The following KCNH5 variants were observed in gnomAD, a reference collection of about 807,000 sequenced individuals.
KCNH5 encodes potassium voltage-gated channel subfamily H member 5, also known as voltage-gated delayed rectifier potassium channel KCNH5.
Under a neutral mutation model 96.1 loss-of-function variants are expected in KCNH5, and 46 were observed. That is an observed-to-expected ratio of 0.48 (90% CI 0.38 to 0.61). The LOEUF (loss-of-function observed/expected upper bound fraction) is 0.61. Ranked by LOEUF, KCNH5 falls within the 20% of genes least tolerant of loss-of-function variation. The probability of loss-of-function intolerance (pLI) is 0.00; values close to 1 mark genes in which losing one functional copy is unlikely to be tolerated. For missense variants in KCNH5, 907 were observed against 1,225.8 expected (o/e 0.74, Z 3.88); for synonymous variants, 439 against 449.8 (o/e 0.98, Z 0.30).
chr14:62,788,167 G>T (rs1477657382), intron 9 of KCNH5, among the ~76,000 whole-genome samples: 2 of 152,166 alleles, frequency 1.3e-5, no homozygotes, highest in Non-Finnish European at 2.9e-5. Context: ...TGTGAGATGT[G>T]AGAAAGCCAA....
In KCNH5 at chr14:62,749,718, C is replaced by A. The variant is rs965686169; in HGVS notation, c.2019+30010G>T. 2.6e-5 allele frequency among the ~76,000 whole-genome samples: 4 copies of A among 152,160 alleles called. No individual in the cohort carries two copies. In the East Asian group the frequency reaches 7.7e-4, roughly 29 times the overall value. On this transcript the variant is annotated intron_variant, in intron 10 of 10. Transcript: ENST00000322893. Reference sequence around the variant, plus strand: ...GATTTCCCTTAGGGGCCACTCGAACCCTTAATAAGGCTACAGGTAATAAAG... The same window carrying A: ...GATTTCCCTTAGGGGCCACTCGAACACTTAATAAGGCTACAGGTAATAAAG...
chr14:62,752,155 A>G (rs1016867885), intron 10 of KCNH5, among the ~76,000 whole-genome samples: 4 of 151,990 alleles, frequency 2.6e-5, no homozygotes, highest in Non-Finnish European at 2.9e-5. Flanking sequence ...GAACTGCAAT[A>G]CCTCTTGCCT....
At position 62,726,077 on chromosome 14, in the gene KCNH5, G is replaced by A. The variant is rs138252635; in HGVS notation, c.2020-17622C>T. On this transcript the variant is annotated intron_variant, in intron 10 of 10. Coordinates refer to ENST00000322893, the MANE Select transcript of KCNH5 (RefSeq NM_139318.5). Reference sequence around the variant, plus strand: ...CAATGATCATTTAAATATAAGTACCGGATAAATGGAACATCCATGTCAAAA... The same window carrying A: ...CAATGATCATTTAAATATAAGTACCAGATAAATGGAACATCCATGTCAAAA... Among the ~76,000 whole-genome samples the A allele has an allele frequency of 3.7e-3, 568 of 152,116 alleles. 2 individuals carry two copies. Among genetic ancestry groups the A allele is most frequent in the African/African-American group, 0.013 (542 of 41,500 alleles).
chr14:62,776,104 T>C (rs1260915567), intron 10 of KCNH5, among the ~76,000 whole-genome samples: 1 of 152,044 alleles, frequency 6.6e-6, no homozygotes, highest in Non-Finnish European at 1.5e-5. Context: ...CTGTCTCTAC[T>C]GAAAATACAA....
intron 7 of KCNH5, among the ~76,000 whole-genome samples, chr14:62,886,748 AG>A (rs1888606007): frequency 6.6e-6 from 1 of 152,172 alleles, no homozygotes; most frequent in African/African-American, 2.4e-5. Context: ...TTCCTTTCAA[AG>A]ACTTGGCTAT....
chr14:63,023,524 T>C (rs954980688), intron 1 of KCNH5, among the ~76,000 whole-genome samples: 1 of 152,212 alleles, frequency 6.6e-6, no homozygotes, highest in African/African-American at 2.4e-5. Flanking sequence ...CTAGTCTGCA[T>C]ACAGGAATTT....
chr14:62,709,102 G>A (rs1300588470), intron 10 of KCNH5, among the ~76,000 whole-genome samples: 3 of 150,992 alleles, frequency 2.0e-5, no homozygotes, highest in East Asian at 1.9e-4. Context: ...GCGCAGTGGC[G>A]GGCGCCTGTA....
chr14:62,860,695 T>C (rs1256465444), intron 7 of KCNH5, among the ~76,000 whole-genome samples: 1 of 152,186 alleles, frequency 6.6e-6, no homozygotes, highest in Non-Finnish European at 1.5e-5. Context: ...ACCATCACTC[T>C]AAGCCCCCTT....
chr14:63,035,902 C>G (rs1007774683), intron 1 of KCNH5, among the ~76,000 whole-genome samples: 1 of 152,172 alleles, frequency 6.6e-6, no homozygotes, highest in African/African-American at 2.4e-5. Context: ...GGTAGGTGTC[C>G]TAATTCTGGA....
rs899807272 is a variant in KCNH5, at chr14:62,708,251, G to T, written c.2224C>A (p.Gln742Lys). 10 of 1,614,202 alleles carry T rather than the reference G, an allele frequency of 6.2e-6. No homozygotes were observed. The highest frequency in any genetic ancestry group is 8.5e-6 in the Non-Finnish European group (10 of 1,180,046). The change falls in exon 11 of 11, where the codon CAG (glutamine) becomes AAG (lysine). Residue 742 changes from glutamine (Q) to lysine (K), a missense_variant. Around this residue, in one of 6 missense-constraint regions of KCNH5, gnomAD observed 362 missense variants for 394.4 expected, o/e 0.92. Transcript: ENST00000322893. Reference sequence around the variant, plus strand: ...GTTCCGGTGATGGAGGCTCCATTCTGTAAGGAGCGGCTCTCTACCTGGAGT... The same window carrying T: ...GTTCCGGTGATGGAGGCTCCATTCTTTAAGGAGCGGCTCTCTACCTGGAGT... ...NQLQVESRSL[Q>K]NGASITGTSV...
At chr14:62,882,851 C>A (rs1888521542) in intron 7 of KCNH5, among the ~76,000 whole-genome samples, 1 of 152,172 alleles carries the variant, frequency 6.6e-6, no homozygotes, top group South Asian at 2.1e-4. Context: ...GGTCATCTGA[C>A]TTAGCATTCA....
At chr14:62,841,564 C>T (rs1035885850) in intron 8 of KCNH5, among the ~76,000 whole-genome samples, 12 of 152,190 alleles carry the variant, frequency 7.9e-5, no homozygotes, top group Non-Finnish European at 7.3e-5. Context: ...AATTACTCCA[C>T]AATTGATGTT....
At chr14:62,735,425 G>A (rs1885136273) in intron 10 of KCNH5, among the ~76,000 whole-genome samples, 1 of 152,144 alleles carries the variant, frequency 6.6e-6, no homozygotes, top group African/African-American at 2.4e-5. Flanking sequence ...TGGATTAGAT[G>A]CCTGAGATTC....
chr14:62,866,340 G>A (rs181085279), intron 7 of KCNH5, among the ~76,000 whole-genome samples: 1 of 152,234 alleles, frequency 6.6e-6, no homozygotes, highest in East Asian at 1.9e-4. Flanking sequence ...ATGAAACACT[G>A]TATCCTATGA....
In KCNH5 at chr14:62,981,081, T is replaced by A. The variant is rs754761406; in HGVS notation, c.733A>T (p.Ile245Leu). Reference protein sequence around the residue: ...NVSFKTKQNNIAWLVLDSVVD... With the variant: ...NVSFKTKQNNLAWLVLDSVVD... Reference sequence around the variant, plus strand: ...ACACTATCCAGTACCAGCCAGGCTATGTTGTTCTGCTTTGTTTTGAAGGAA... The same window carrying A: ...ACACTATCCAGTACCAGCCAGGCTAAGTTGTTCTGCTTTGTTTTGAAGGAA... The change falls in exon 6 of 11, where the codon ATA becomes TTA. Residue 245 changes from isoleucine (I) to leucine (L), a missense_variant. Ile to Leu is a conservative substitution (Grantham distance 5, BLOSUM62 2). This residue lies in a region of KCNH5 where 370 missense variants were observed against 561.3 expected (regional missense o/e 0.66). Coordinates refer to ENST00000322893, the MANE Select transcript of KCNH5 (RefSeq NM_139318.5). 2.5e-6 allele frequency: 4 copies of A among 1,614,086 alleles called. No homozygotes were observed. In the African/African-American group the frequency reaches 4.0e-5, roughly 16 times the overall value.
intron 9 of KCNH5, among the ~76,000 whole-genome samples, chr14:62,799,884 C>A (rs1310272575): frequency 6.5e-5 from 9 of 138,156 alleles, no homozygotes; most frequent in African/African-American, 2.1e-4. Context: ...CCCTTCACAC[C>A]CTGATAATTT....
intron 2 of KCNH5, among the ~76,000 whole-genome samples, chr14:63,014,983 A>G (rs1188056160): frequency 6.6e-6 from 1 of 152,086 alleles, no homozygotes; most frequent in African/African-American, 2.4e-5. Context: ...GAGAGGAGCA[A>G]TGCTTAATAT....
chr14:62,890,252 G>A (rs2140084305), intron 7 of KCNH5, among the ~76,000 whole-genome samples: 1 of 152,254 alleles, frequency 6.6e-6, no homozygotes, highest in African/African-American at 2.4e-5. Context: ...AAACTAAAGA[G>A]CTTCTGCACA....
intron 10 of KCNH5, among the ~76,000 whole-genome samples, chr14:62,717,422 T>C (rs903513284): frequency 2.0e-5 from 3 of 152,210 alleles, no homozygotes; most frequent in Non-Finnish European, 4.4e-5. Context: ...GATTTGGTAC[T>C]GGCATAAGAA....
Sources: gnomAD v4.1 joint callset for allele counts (sites outside exome capture counted in the v4.1 genomes callset) on GRCh38, gnomAD v4.1.1 for gene constraint, gnomAD v4.1.1 regional missense constraint, MANE v1.5 for transcripts, NCBI Gene and HGNC (gene_info 2026-07-23, HGNC 2026-07-21) for gene names.